FXYD6: variants seen among roughly 807,000 people sequenced by gnomAD.
FXYD6 encodes FXYD domain containing ion transport regulator 6, also known as FXYD domain-containing ion transport regulator 6.
FXYD6 carries 7 observed loss-of-function variants against 16.7 expected under a neutral mutation model. That is an observed-to-expected ratio of 0.42 (90% CI 0.24 to 0.79). FXYD6 has a LOEUF of 0.79. Among genes scored for constraint, FXYD6 ranks in the 30% least tolerant of loss-of-function variants. FXYD6 has a pLI of 0.28. For synonymous variants in FXYD6, 49 were observed against 43.0 expected, an observed-to-expected ratio of 1.14 and a Z score of -0.54; for missense variants, 111 against 116.2, an observed-to-expected ratio of 0.95 and a Z score of 0.21.
chr11:117,849,169 G>A (rs907050616), intron 1 of FXYD6, among the ~76,000 whole-genome samples: 13 of 152,178 alleles, frequency 8.5e-5, no homozygotes, highest in African/African-American at 3.1e-4. Context: ...CAAAGCTTCT[G>A]TAAGGGGGTG....
intron 1 of FXYD6, among the ~76,000 whole-genome samples, chr11:117,862,321 G>C (rs1002676659): frequency 6.6e-6 from 1 of 152,170 alleles, no homozygotes; most frequent in Non-Finnish European, 1.5e-5. Flanking sequence ...CTGAGGCCTC[G>C]GCTGCCCTGG....
chr11:117,848,067 G>A (rs1167529271), intron 1 of FXYD6, among the ~76,000 whole-genome samples: 2 of 152,210 alleles, frequency 1.3e-5, no homozygotes, highest in African/African-American at 4.8e-5. Context: ...TAACTGGTGT[G>A]AGATGGTATC....
Position 117,842,773 on chromosome 11 carries a change from C to T in FXYD6, c.4G>A (p.Glu2Lys). 6.4e-7 allele frequency: 1 copy of T among 1,565,328 alleles called. No homozygotes were observed. Residue 2 changes from glutamate to lysine, a missense_variant, in exon 2 of 8, where the codon GAG becomes AAG. Coordinates refer to ENST00000526014, the MANE Select transcript of FXYD6 (RefSeq NM_022003.4). M[E>K]LVLVFLCSLL... Reference sequence around the variant, plus strand: ...CTGCAGAGGAAGACCAGCACCAACTCCATGGCGTCTGGGGACAGAGGGAGG... The same window carrying T: ...CTGCAGAGGAAGACCAGCACCAACTTCATGGCGTCTGGGGACAGAGGGAGG...
intron 1 of FXYD6, among the ~76,000 whole-genome samples, chr11:117,862,958 G>A (rs1458897467): frequency 2.6e-5 from 4 of 152,168 alleles, no homozygotes; most frequent in Admixed American, 1.3e-4. Context: ...TGATGATGAT[G>A]ATGATGATGA....
chr11:117,840,324 G>A lies in FXYD6; in HGVS notation c.254C>T (p.Ala85Val). Residue 85 changes from alanine (A) to valine (V), a missense_variant, in exon 6 of 8, where the codon GCC (alanine) becomes GTC (valine). Coordinates refer to ENST00000526014, the MANE Select transcript of FXYD6 (RefSeq NM_022003.4). ...AGGTGGTCACGGACAGTTACCATTG[G>A]CGGTGATGAGGTTCTCCACCTGGGC... ...EEAQVENLIT[A>V]NATEPQKAEN 1 of 1,614,158 alleles carries A rather than the reference G, an allele frequency of 6.2e-7. No homozygotes were observed. Among genetic ancestry groups the A allele is most frequent in the Non-Finnish European group, 8.5e-7 (1 of 1,180,028 alleles).
upstream of FXYD6, chr11:117,877,214 T>A (rs1267181541): frequency 1.3e-5 from 2 of 152,214 alleles, no homozygotes; most frequent in African/African-American, 4.8e-5. Context: ...CATGAATGGC[T>A]GTGTCGTGGG....
At chr11:117,865,587 A>G (rs2056996010) in intron 1 of FXYD6, among the ~76,000 whole-genome samples, 1 of 152,226 alleles carries the variant, frequency 6.6e-6, no homozygotes, top group Non-Finnish European at 1.5e-5. Context: ...AGCAGCTGTG[A>G]GATGGACAGA....
chr11:117,841,123 A>G (rs1359575524), intron 5 of FXYD6, 25 bp downstream of exon 5: 4 of 1,613,900 alleles, frequency 2.5e-6, no homozygotes, highest in Non-Finnish European at 3.4e-6. Context: ...TCACCCCCCC[A>G]AGGCCACTGC....
Position 117,872,582 on chromosome 11 carries a change from C to T in FXYD6, c.-6+4010G>A, listed in dbSNP as rs1055804461. On this transcript the variant is annotated intron_variant, in intron 1 of 7. Transcript: ENST00000526014. The surrounding 1 kb of genome is among the most constrained non-coding windows in gnomAD (Gnocchi z 4.9). ...TTGTCCTCCAGCTGCGTGGGGGTCA[C>T]TGTTATTCTAACTACACCCCTTCAT... is the stretch of plus-strand genomic sequence containing the variant. Among the ~76,000 whole-genome samples the T allele has an allele frequency of 6.6e-6, 1 of 152,214 alleles. No individual in the cohort carries two copies. Among genetic ancestry groups the T allele is most frequent in the Admixed American group, 6.5e-5 (1 of 15,292 alleles).
At chr11:117,869,975 G>A (rs2057100020) in intron 1 of FXYD6, among the ~76,000 whole-genome samples, 1 of 152,192 alleles carries the variant, frequency 6.6e-6, no homozygotes, top group South Asian at 2.1e-4. Flanking sequence ...TCTGAACTGG[G>A]GCAGCCCCAT....
rs2056241703 is a variant in FXYD6 at position 117,838,112 on chromosome 11, T to C, written c.*187A>G. 1.4e-6 allele frequency: 1 copy of C among 694,768 alleles called. No homozygotes were observed. Among genetic ancestry groups the C allele is most frequent in the South Asian group, 1.5e-5 (1 of 67,252 alleles). The allele number at this position is 694,768 out of a possible 1,614,324, so 43.0% of individuals were successfully genotyped here. On this transcript the variant is annotated 3_prime_UTR_variant, in exon 8 of 8. Transcript: ENST00000526014. Reference sequence around the variant, plus strand: ...CCGCAGGCTGCAGTGGGGAGGCAAGTGTTAGTTGCATCATCAGGTGGAGGA... The same window carrying C: ...CCGCAGGCTGCAGTGGGGAGGCAAGCGTTAGTTGCATCATCAGGTGGAGGA...
intron 1 of FXYD6, among the ~76,000 whole-genome samples, chr11:117,859,921 C>A (rs1400286975): frequency 6.6e-6 from 1 of 152,040 alleles, no homozygotes; most frequent in Non-Finnish European, 1.5e-5. Flanking sequence ...CCAAGCTCAC[C>A]TTACCGCACA....
At chr11:117,840,448 G>A (rs1398007796) in intron 5 of FXYD6, 80 bp from the exon 6 acceptor site, 1 of 1,588,890 alleles carries the variant, frequency 6.3e-7, no homozygotes, top group Non-Finnish European at 8.6e-7. Flanking sequence ...CCTCACTGGG[G>A]CACAGCTGCC....
chr11:117,839,707 G>T (rs1042242372), intron 7 of FXYD6, 74 bp downstream of exon 7: 3 of 1,583,756 alleles, frequency 1.9e-6, no homozygotes, highest in Non-Finnish European at 8.7e-7. Context: ...CATCCTTCCC[G>T]CCTGAACCCC....
chr11:117,867,324 CG>C (rs1310359015), intron 1 of FXYD6, among the ~76,000 whole-genome samples: 9 of 152,206 alleles, frequency 5.9e-5, no homozygotes, highest in Admixed American at 5.9e-4. Flanking sequence ...ACCAAGTTTC[CG>C]GGGCTTCCTC....
At position 117,872,461 on chromosome 11, in the gene FXYD6, A is replaced by G. The variant is rs1407087469; in HGVS notation, c.-6+4131T>C. 1.3e-5 allele frequency among the ~76,000 whole-genome samples: 2 copies of G among 152,208 alleles called. No individual in the cohort carries two copies. Among genetic ancestry groups the G allele is most frequent in the Admixed American group, 6.5e-5 (1 of 15,290 alleles). The stretch of plus-strand genomic sequence containing the variant: ...AGCAAAGGAGAAACCTCAGAAGCCC[A>G]CAGGGCCTGCCTGACATATGAGGGG... On this transcript the variant is annotated intron_variant, in intron 1 of 7. Transcript: ENST00000526014. This position sits in a 1 kb window ranked among gnomAD's most constrained non-coding sequence, Gnocchi z 4.9.
At position 117,840,356 on chromosome 11, in the gene FXYD6, A is replaced by G; in HGVS notation, c.222T>C (p.Asp74=). 1 of 1,614,054 alleles carries G rather than the reference A, an allele frequency of 6.2e-7. No individual in the cohort carries two copies. Among genetic ancestry groups the G allele is most frequent in the Non-Finnish European group, 8.5e-7 (1 of 1,179,968 alleles). The part of the protein sequence containing the change: ...SFNQKPRAPG[D]EEAQVENLIT... ...TGAGGTTCTCCACCTGGGCTTCCTCATCTCCTGGGGCCCTGCAGGAGAAAG... is the reference window on the plus strand; with the variant it reads ...TGAGGTTCTCCACCTGGGCTTCCTCGTCTCCTGGGGCCCTGCAGGAGAAAG... Residue 74 remains aspartate (D), a synonymous_variant, in exon 6 of 8, where the codon GAT becomes GAC. Transcript: ENST00000526014.
intron 1 of FXYD6, among the ~76,000 whole-genome samples, chr11:117,874,573 C>G (rs1471143508): frequency 6.6e-6 from 1 of 152,210 alleles, no homozygotes. Flanking sequence ...CTTCCTGCCT[C>G]CCTGGCCTGG....
intron 5 of FXYD6, among the ~76,000 whole-genome samples, chr11:117,840,713 G>A (rs1256662766): frequency 6.6e-6 from 1 of 152,096 alleles, no homozygotes; most frequent in Admixed American, 6.5e-5. Flanking sequence ...TGACCTCTAT[G>A]TGGGAGTAGA....
Sources: gnomAD v4.1 joint callset for allele counts (sites outside exome capture counted in the v4.1 genomes callset) on GRCh38, gnomAD v4.1.1 for gene constraint, Gnocchi (gnomAD v3.1) non-coding constraint, MANE v1.5 for transcripts, NCBI Gene and HGNC (gene_info 2026-07-23, HGNC 2026-07-21) for gene names.